Variants in HPSE2 observed in about 807,000 individuals in gnomAD.
HPSE2 encodes inactive heparanase-2.
HPSE2 carries 38 observed loss-of-function variants against 60.5 expected under a neutral mutation model. The ratio of observed to expected loss-of-function variants is 0.63; its 90% CI spans 0.48 to 0.82. HPSE2 has a LOEUF of 0.82. HPSE2 is among the 40% of genes least tolerant of loss of function. The pLI is 0.00. For missense variants in HPSE2, 713 were observed against 740.4 expected (o/e 0.96, Z 0.43); for synonymous variants, 295 against 293.2 (o/e 1.01, Z -0.06).
At chr10:98,483,156 T>C (rs932624274) in intron 10 of HPSE2, among the ~76,000 whole-genome samples, 2 of 152,230 alleles carry the variant, frequency 1.3e-5, no homozygotes, top group African/African-American at 4.8e-5. Flanking sequence ...TCTTGAGATA[T>C]GATAATATTT....
At chr10:98,588,540 T>C (rs1399606071) in intron 9 of HPSE2, among the ~76,000 whole-genome samples, 1 of 152,144 alleles carries the variant, frequency 6.6e-6, no homozygotes, top group Admixed American at 6.5e-5. Flanking sequence ...CAAGTTCCTA[T>C]GTGCTCTGTG....
chr10:99,117,417 G>GAAAAAAAAAAA (rs1157232317), intron 3 of HPSE2, among the ~76,000 whole-genome samples: 2 of 24,816 alleles, frequency 8.1e-5, no homozygotes, highest in African/African-American at 2.6e-4. Flanking sequence ...TTGTTTTTTT[G>GAAAAAAAAAAA]AAAAAAAAAA....
chr10:98,964,587 C>G (rs1220792874), intron 3 of HPSE2, among the ~76,000 whole-genome samples: 1 of 152,056 alleles, frequency 6.6e-6, no homozygotes, highest in African/African-American at 2.4e-5. Context: ...AGTACCTCCT[C>G]CCACTCCTTC....
chr10:98,762,170 T>C (rs910245145), intron 3 of HPSE2, among the ~76,000 whole-genome samples: 8 of 151,122 alleles, frequency 5.3e-5, no homozygotes, highest in African/African-American at 1.7e-4. Flanking sequence ...CACAGAAGAA[T>C]TGAAAAATGG....
chr10:99,160,176 A>G (rs961759692), intron 2 of HPSE2, among the ~76,000 whole-genome samples: 1 of 152,040 alleles, frequency 6.6e-6, no homozygotes, highest in African/African-American at 2.4e-5. Flanking sequence ...CAACTGAGAA[A>G]ATATTTTAAA....
chr10:99,212,014 T>G (rs1338811203), intron 2 of HPSE2, among the ~76,000 whole-genome samples: 1 of 152,006 alleles, frequency 6.6e-6, no homozygotes, highest in East Asian at 1.9e-4. Flanking sequence ...AACAAATATT[T>G]TTAAATGGGC....
At chr10:98,808,413 C>A (rs902678728) in intron 3 of HPSE2, among the ~76,000 whole-genome samples, 5 of 152,134 alleles carry the variant, frequency 3.3e-5, no homozygotes, top group Non-Finnish European at 1.5e-5. Flanking sequence ...GGCATTACAG[C>A]TTCATCCAGC....
chr10:98,795,186 C>T (rs1950752507), intron 3 of HPSE2, among the ~76,000 whole-genome samples: 1 of 152,192 alleles, frequency 6.6e-6, no homozygotes, highest in South Asian at 2.1e-4. Flanking sequence ...TGTTTGCACA[C>T]AGAAAATCAC....
chr10:99,262,387 A>C, the HPSE2 span, among the ~76,000 whole-genome samples: 3 of 152,002 alleles, frequency 2.0e-5, no homozygotes. Context: ...TTTCCTGACT[A>C]TTCCTGGACT....
chr10:98,860,933 G>A (rs954799517), intron 3 of HPSE2, among the ~76,000 whole-genome samples: 4 of 152,162 alleles, frequency 2.6e-5, no homozygotes, highest in African/African-American at 7.2e-5. Flanking sequence ...TAAACAAAAT[G>A]TGAATTTTAA....
chr10:98,910,582 A>G (rs1953951763), intron 3 of HPSE2, among the ~76,000 whole-genome samples: 1 of 152,232 alleles, frequency 6.6e-6, no homozygotes, highest in Non-Finnish European at 1.5e-5. Flanking sequence ...ATGAGACAGA[A>G]GAAGGCTTTA....
intron 2 of HPSE2, among the ~76,000 whole-genome samples, chr10:99,169,609 C>A (rs1299191954): frequency 7.0e-6 from 1 of 142,340 alleles, no homozygotes; most frequent in Admixed American, 7.4e-5. Flanking sequence ...AGTGGCTGTT[C>A]TCTTTCACAA....
At chr10:99,235,096 T>TCA (rs1176201504) in intron 1 of HPSE2, among the ~76,000 whole-genome samples, 362 of 80,420 alleles carry the variant, frequency 4.5e-3, no homozygotes, top group African/African-American at 0.013. Context: ...CTCTCCTGTC[T>TCA]CACATACACA....
At chr10:99,009,424 A>T (rs1404352825) in intron 3 of HPSE2, among the ~76,000 whole-genome samples, 1 of 151,970 alleles carries the variant, frequency 6.6e-6, no homozygotes, top group Non-Finnish European at 1.5e-5. Flanking sequence ...AGTCTCAAAA[A>T]ACAAACAAAC....
intron 9 of HPSE2, among the ~76,000 whole-genome samples, chr10:98,579,716 G>A (rs7911893): frequency 0.56 from 85,806 of 151,934 alleles, 24,448 homozygotes; most frequent in Middle Eastern, 0.65. Context: ...CCACCTATCA[G>A]CTTTTAGTTT....
chr10:98,815,447 G>A (rs916138063), intron 3 of HPSE2, among the ~76,000 whole-genome samples: 2 of 152,202 alleles, frequency 1.3e-5, no homozygotes, highest in Non-Finnish European at 2.9e-5. Context: ...GCTGAATAAG[G>A]AGAAAGCAGC....
chr10:99,314,232 A>C, the HPSE2 span, among the ~76,000 whole-genome samples: 1 of 152,160 alleles, frequency 6.6e-6, no homozygotes, highest in East Asian at 1.9e-4. Flanking sequence ...CCACCATCTC[A>C]GGTCACTGCA....
chr10:99,289,996 T>C, the HPSE2 span, among the ~76,000 whole-genome samples: 1 of 152,082 alleles, frequency 6.6e-6, no homozygotes, highest in East Asian at 1.9e-4. Context: ...AAACTAAAAA[T>C]GGTTGCTTCT....
At chr10:98,925,722 T>C (rs1165325571) in intron 3 of HPSE2, among the ~76,000 whole-genome samples, 1 of 152,148 alleles carries the variant, frequency 6.6e-6, no homozygotes, top group Admixed American at 6.5e-5. Flanking sequence ...TTTTATGACA[T>C]TTGGCTAGGG....
Sources: gnomAD v4.1 joint callset for allele counts (sites outside exome capture counted in the v4.1 genomes callset) on GRCh38, gnomAD v4.1.1 for gene constraint, MANE v1.5 for transcripts, NCBI Gene and HGNC (gene_info 2026-07-23, HGNC 2026-07-21) for gene names.